FUNDC2: variants seen among roughly 807,000 people sequenced by gnomAD.
FUNDC2 encodes FUN14 domain containing 2.
FUNDC2 carries 4 observed loss-of-function variants against 15.6 expected under a neutral mutation model. The ratio of observed to expected loss-of-function variants is 0.26; its 90% confidence interval spans 0.13 to 0.59. The LOEUF (loss-of-function observed/expected upper bound fraction) is 0.59, where lower values mean the gene tolerates loss of function less well. Ranked by LOEUF, FUNDC2 falls within the 20% of genes least tolerant of loss-of-function variation. The pLI is 0.90. For synonymous variants in FUNDC2, 44 were observed against 56.9 expected, an observed-to-expected ratio of 0.77 and a Z score of 1.02; for missense variants, 98 against 149.7, an observed-to-expected ratio of 0.65 and a Z score of 1.80.
At chrX:155,041,747 C>CT (rs1487550352) in intron 2 of FUNDC2, among the ~76,000 whole-genome samples, 2 of 109,069 alleles carry the variant, frequency 1.8e-5, no homozygotes, top group Admixed American at 1.9e-4. Flanking sequence ...CCTAATGCCT[C>CT]TTTTTTCCCC....
chrX:155,047,455 TGTATC>T (rs781983543), intron 3 of FUNDC2: 7 of 340,072 alleles, frequency 2.1e-5, no homozygotes, highest in Non-Finnish European at 4.1e-5. Context: ...GAAAATCAAA[TGTATC>T]GAAGAGGGAA....
intron 2 of FUNDC2, among the ~76,000 whole-genome samples, chrX:155,042,301 C>T (rs986352268): frequency 2.0e-5 from 2 of 102,156 alleles, no homozygotes; most frequent in African/African-American, 7.2e-5. Context: ...ATTCTCGTGC[C>T]TCAGCCTGTG....
intron 4 of FUNDC2, chrX:155,054,280 C>T (rs897974821): frequency 9.3e-6 from 7 of 753,577 alleles, no homozygotes; most frequent in African/African-American, 6.9e-5. Context: ...ATAACTGTCC[C>T]CATGAACTCT....
chrX:155,057,861 G>C lies in FUNDC2; in HGVS notation c.*3189G>C, dbSNP rs781972615. 1 of 111,570 alleles carries C rather than the reference G, an allele frequency of 9.0e-6. No individual in the cohort carries two copies. The highest frequency in any genetic ancestry group is 1.9e-5 in the Non-Finnish European group (1 of 53,085). The allele number at this position is 111,570 out of a possible 1,213,427, so 9.2% of individuals were successfully genotyped here. On this transcript the variant is annotated 3_prime_UTR_variant, in exon 5 of 5. Coordinates refer to ENST00000369498, the MANE Select transcript of FUNDC2 (RefSeq NM_023934.4). ...TCGGAGAGCAGAGACGGATCCAGGG[G>C]CACTTTCTGGCCGCTGCCTGCTCGG...
chrX:155,028,665 C>G, intron 1 of FUNDC2, among the ~76,000 whole-genome samples: 1 of 111,302 alleles, frequency 9.0e-6, no homozygotes, highest in East Asian at 2.8e-4. Context: ...TATAGTAGTT[C>G]TAACATCATT....
intron 1 of FUNDC2, among the ~76,000 whole-genome samples, chrX:155,031,010 AT>A (rs1229071492): frequency 1.0e-4 from 11 of 109,577 alleles, no homozygotes; most frequent in Admixed American, 6.8e-4. Context: ...TTTTATTCTG[AT>A]TTTTTTCTTT....
intron 2 of FUNDC2, among the ~76,000 whole-genome samples, chrX:155,035,562 G>A (rs916216809): frequency 2.4e-4 from 27 of 111,618 alleles, no homozygotes; most frequent in African/African-American, 8.1e-4. Context: ...TTTCCTTCAT[G>A]CCATCCTCCC....
Position 155,054,902 on chromosome X carries a change from T to C in FUNDC2, c.*230T>C. 1 of 389,557 alleles carries C rather than the reference T, an allele frequency of 2.6e-6. No homozygotes were observed. Among genetic ancestry groups the C allele is most frequent in the Non-Finnish European group, 4.5e-6 (1 of 224,253 alleles). The allele number at this position is 389,557 out of a possible 1,213,427, so 32.1% of individuals were successfully genotyped here. A position where few individuals can be genotyped will look rare whatever the true frequency, so the allele number is the denominator to read the frequency against. On this transcript the variant is annotated 3_prime_UTR_variant, in exon 5 of 5. Transcript: ENST00000369498. ...GCTCTCCTCCCAGTACACCCCCTAC[T>C]TGGCCAGTCTGTAGGCCAACAAGAA...
At chrX:155,029,074 A>C (rs782249617) in intron 1 of FUNDC2, among the ~76,000 whole-genome samples, 2 of 111,829 alleles carry the variant, frequency 1.8e-5, no homozygotes, top group South Asian at 7.5e-4. Context: ...TTTGTGACTG[A>C]CTGCCTGTTC....
chrX:155,034,017 T>A (rs2073823764), intron 2 of FUNDC2, among the ~76,000 whole-genome samples: 1 of 112,469 alleles, frequency 8.9e-6, no homozygotes, highest in South Asian at 3.7e-4. Flanking sequence ...AATCCATTAA[T>A]CTCATAGACT....
Position 155,056,958 on chromosome X carries a change from C to T in FUNDC2, c.*2286C>T, listed in dbSNP as rs1295508645. On this transcript the variant is annotated 3_prime_UTR_variant, in exon 5 of 5. Coordinates refer to ENST00000369498, the MANE Select transcript of FUNDC2 (RefSeq NM_023934.4). ...TCTGAATTAAGATCTGTAGGTAGGT[C>T]CCTCCTGAAGTTTTTTCCCAGCTGG... 9.1e-6 allele frequency: 1 copy of T among 109,522 alleles called. No individual in the cohort carries two copies. The highest frequency in any genetic ancestry group is 1.9e-5 in the Non-Finnish European group (1 of 52,004). 9.0% of individuals were successfully genotyped at this position (109,522 alleles called of 1,213,427 possible).
intron 1 of FUNDC2, among the ~76,000 whole-genome samples, chrX:155,032,817 C>T (rs373898360): frequency 8.1e-5 from 9 of 111,734 alleles, no homozygotes; most frequent in African/African-American, 2.9e-4. Context: ...ATTTGGGATG[C>T]ATTACTGGCA....
At chrX:155,045,158 A>G (rs73569606) in intron 2 of FUNDC2, among the ~76,000 whole-genome samples, 1,427 of 112,118 alleles carry the variant, frequency 0.013, 28 homozygotes, top group African/African-American at 0.044. Context: ...ATACAGTTGT[A>G]TAATATAATA....
chrX:155,052,795 G>T (rs1443579773), intron 4 of FUNDC2, among the ~76,000 whole-genome samples: 2 of 112,295 alleles, frequency 1.8e-5, no homozygotes, highest in Non-Finnish European at 3.8e-5. Context: ...AGTTAGGAAA[G>T]TTACATTTTT....
At chrX:155,047,913 C>T (rs1187645614) in intron 3 of FUNDC2, among the ~76,000 whole-genome samples, 2 of 110,884 alleles carry the variant, frequency 1.8e-5, no homozygotes, top group South Asian at 7.7e-4. Flanking sequence ...CGTGCTGGCT[C>T]TGTTGCTAGA....
At chrX:155,032,880 T>A (rs1557288869) in intron 1 of FUNDC2, 1 of 112,117 alleles carries the variant, frequency 8.9e-6, no homozygotes. Context: ...GGAGTCTTGC[T>A]CTGTTGCCCA....
rs1420175314 is a variant in FUNDC2 at position 155,058,217 on chromosome X, T to C, written c.*3545T>C. On this transcript the variant is annotated 3_prime_UTR_variant, in exon 5 of 5. Transcript: ENST00000369498. ...GGATGCTGGCAGAAGACGATTCAAG[T>C]TGGCGGACTAGATTCTACAAGGAAT... is the stretch of plus-strand genomic sequence containing the variant. 1 of 111,518 alleles carries C rather than the reference T, an allele frequency of 9.0e-6. No homozygotes were observed. The highest frequency in any genetic ancestry group is 1.9e-5 in the Non-Finnish European group (1 of 53,123). 9.2% of individuals were successfully genotyped at this position (111,518 alleles called of 1,213,427 possible).
At position 155,058,878 on chromosome X, in the gene FUNDC2, T is replaced by C. The variant is rs1228148028; in HGVS notation, c.*4206T>C. 9.0e-6 allele frequency: 1 copy of C among 111,509 alleles called. No individual in the cohort carries two copies. The highest frequency in any genetic ancestry group is 9.5e-5 in the Admixed American group (1 of 10,499). 9.2% of individuals were successfully genotyped at this position (111,509 alleles called of 1,213,427 possible). A position where few individuals can be genotyped will look rare whatever the true frequency, so the allele number is the denominator to read the frequency against. On this transcript the variant is annotated 3_prime_UTR_variant, in exon 5 of 5. Coordinates refer to ENST00000369498, the MANE Select transcript of FUNDC2 (RefSeq NM_023934.4). ...TTCACATTTTTATAAAGCTTTAAAG[T>C]CAGTTTACTGACTTTTCAAAAGTGT...
intron 2 of FUNDC2, among the ~76,000 whole-genome samples, chrX:155,035,047 C>A (rs2073826871): frequency 8.9e-6 from 1 of 111,767 alleles, no homozygotes. Context: ...AACTGAAGAT[C>A]TTATTTTTAA....
Sources: allele counts gnomAD v4.1 joint callset (sites outside exome capture counted in the v4.1 genomes callset), GRCh38; gene constraint gnomAD v4.1.1; transcripts MANE v1.5; gene names NCBI Gene and HGNC (gene_info 2026-07-23, HGNC 2026-07-21).